Variants in SOX5 observed in about 807,000 individuals in gnomAD.
SOX5 encodes SRY-box transcription factor 5.
A neutral mutation model predicts 92.0 loss-of-function variants in SOX5; 9 were observed. That is an observed-to-expected ratio of 0.10 (90% CI 0.06 to 0.17). The LOEUF (loss-of-function observed/expected upper bound fraction) is 0.17. Among genes scored for constraint, SOX5 ranks in the 10% least tolerant of loss-of-function variants. SOX5 has a pLI of 1.00. For synonymous variants in SOX5, 344 were observed against 336.3 expected, an observed-to-expected ratio of 1.02 and a Z score of -0.25; for missense variants, 642 against 944.5, an observed-to-expected ratio of 0.68 and a Z score of 4.20.
intron 3 of SOX5, among the ~76,000 whole-genome samples, chr12:23,842,808 T>C (rs1395105649): frequency 6.6e-6 from 1 of 152,188 alleles, no homozygotes; most frequent in Non-Finnish European, 1.5e-5. Flanking sequence ...ATCTCCCATG[T>C]AGAAAAATGC....
At chr12:24,021,689 C>T (rs781574927) in intron 4 of SOX5, among the ~76,000 whole-genome samples, 1 of 152,044 alleles carries the variant, frequency 6.6e-6, no homozygotes. Flanking sequence ...ATAATGATGC[C>T]GAATGTAATC....
intron 1 of SOX5, among the ~76,000 whole-genome samples, chr12:24,455,318 C>T (rs940607459): frequency 3.3e-5 from 5 of 152,176 alleles, no homozygotes; most frequent in African/African-American, 1.2e-4. Context: ...TCTTAAAGTT[C>T]CAAAGTGGCT....
chr12:24,152,760 T>C (rs1214228783), intron 4 of SOX5, among the ~76,000 whole-genome samples: 3 of 152,104 alleles, frequency 2.0e-5, no homozygotes, highest in Non-Finnish European at 4.4e-5. Flanking sequence ...GACAGGATAG[T>C]ATTGTTTTAT....
At chr12:24,496,829 A>G (rs1947686962) in intron 1 of SOX5, among the ~76,000 whole-genome samples, 2 of 152,220 alleles carry the variant, frequency 1.3e-5, no homozygotes, top group South Asian at 4.1e-4. Flanking sequence ...ACTTGGTTTA[A>G]GAACACAGCC....
chr12:24,282,263 C>T (rs1267998882), intron 2 of SOX5, among the ~76,000 whole-genome samples: 5 of 151,876 alleles, frequency 3.3e-5, no homozygotes, highest in South Asian at 4.2e-4. Flanking sequence ...TGTTAAATGA[C>T]GAGTTAATGG....
At chr12:23,892,455 T>G (rs1260439194) in intron 2 of SOX5, among the ~76,000 whole-genome samples, 1 of 152,160 alleles carries the variant, frequency 6.6e-6, no homozygotes, top group Non-Finnish European at 1.5e-5. Flanking sequence ...CTATAGAGAT[T>G]TTTCTTTTGC....
chr12:24,240,797 G>A (rs1029644410), intron 3 of SOX5, among the ~76,000 whole-genome samples: 3 of 152,072 alleles, frequency 2.0e-5, no homozygotes, highest in African/African-American at 4.8e-5. Context: ...CAATATCTAC[G>A]GTGAACCTAT....
chr12:24,157,977 G>A (rs898439394), intron 4 of SOX5, among the ~76,000 whole-genome samples: 1 of 151,950 alleles, frequency 6.6e-6, no homozygotes, highest in South Asian at 2.1e-4. Flanking sequence ...CTATTTCAGA[G>A]TACCTCATTT....
At chr12:23,865,061 AT>A (rs2096796395) in intron 2 of SOX5, among the ~76,000 whole-genome samples, 1 of 152,190 alleles carries the variant, frequency 6.6e-6, no homozygotes, top group Admixed American at 6.5e-5. Context: ...TTTATTTACC[AT>A]TCTGAAAATG....
intron 2 of SOX5, among the ~76,000 whole-genome samples, chr12:23,874,646 A>G (rs1232129141): frequency 6.6e-6 from 1 of 152,212 alleles, no homozygotes; most frequent in Non-Finnish European, 1.5e-5. Context: ...GAGAGTGAAT[A>G]GATGATCCCA....
intron 4 of SOX5, among the ~76,000 whole-genome samples, chr12:24,152,480 A>G (rs972156427): frequency 2.6e-5 from 4 of 152,112 alleles, no homozygotes; most frequent in African/African-American, 9.7e-5. Flanking sequence ...TGCTTATCTT[A>G]TCTGTGCCCT....
chr12:23,667,885 T>G (rs1330458141), intron 6 of SOX5, among the ~76,000 whole-genome samples: 1 of 152,234 alleles, frequency 6.6e-6, no homozygotes, highest in Non-Finnish European at 1.5e-5. Context: ...TGTGAGCGAC[T>G]AAAAACACAT....
rs74067971 is a variant in SOX5 at position 23,856,726 on chromosome 12, C to T, written c.271-10533G>A. On this transcript the variant is annotated intron_variant, in intron 2 of 14. Coordinates refer to ENST00000451604, the MANE Select transcript of SOX5 (RefSeq NM_006940.6). ...ATTAAATTTGAGAGGCACTGAAATG[C>T]ACCTGAAATAATTAGTAATCATAAC... Among the ~76,000 whole-genome samples the T allele has an allele frequency of 9.0e-3, 1,371 of 152,154 alleles. 25 individuals carry two copies. Among genetic ancestry groups the T allele is most frequent in the African/African-American group, 0.032 (1,311 of 41,510 alleles).
At chr12:23,882,041 GAT>G (rs1317694481) in intron 2 of SOX5, among the ~76,000 whole-genome samples, 1 of 152,156 alleles carries the variant, frequency 6.6e-6, no homozygotes, top group African/African-American at 2.4e-5. Flanking sequence ...AAACGGCAGA[GAT>G]ATATGTTTAA....
intron 7 of SOX5, among the ~76,000 whole-genome samples, chr12:23,662,336 A>G (rs2083180057): frequency 6.6e-6 from 1 of 152,136 alleles, no homozygotes; most frequent in Non-Finnish European, 1.5e-5. Flanking sequence ...CCGAATGCCA[A>G]ACAGAATCTG....
chr12:23,729,100 T>C (rs1365915509), intron 6 of SOX5, among the ~76,000 whole-genome samples: 1 of 151,906 alleles, frequency 6.6e-6, no homozygotes, highest in African/African-American at 2.4e-5. Flanking sequence ...TCATTGGAAA[T>C]ACAGAAAGCA....
intron 2 of SOX5, among the ~76,000 whole-genome samples, chr12:24,288,843 A>T (rs1946244089): frequency 1.3e-5 from 2 of 151,998 alleles, no homozygotes; most frequent in East Asian, 1.9e-4. Flanking sequence ...TTCTCTTTTT[A>T]CTTGCGAAGT....
At chr12:23,936,519 A>T (rs1457301468) in intron 1 of SOX5, among the ~76,000 whole-genome samples, 1 of 150,788 alleles carries the variant, frequency 6.6e-6, no homozygotes, top group African/African-American at 2.4e-5. Context: ...GTGGTAGAAG[A>T]AGGCTAAGAA....
At position 23,818,239 on chromosome 12, in the gene SOX5, G is replaced by A. The variant is rs2096036072; in HGVS notation, c.481+27744C>T. Among the ~76,000 whole-genome samples, 3 of 152,118 alleles carry A rather than the reference G, an allele frequency of 2.0e-5. 1 individual carries two copies. Among genetic ancestry groups the A allele is most frequent in the African/African-American group, 7.2e-5 (3 of 41,406 alleles). ...GAGGATCCTTTCACAGACCCAGCTGGTATGTAGCCTACTACACACATAGGC... is the reference window on the plus strand; with the variant it reads ...GAGGATCCTTTCACAGACCCAGCTGATATGTAGCCTACTACACACATAGGC... On this transcript the variant is annotated intron_variant, in intron 3 of 14. Coordinates refer to ENST00000451604, the MANE Select transcript of SOX5 (RefSeq NM_006940.6).
Sources: allele counts gnomAD v4.1 joint callset (sites outside exome capture counted in the v4.1 genomes callset), GRCh38; gene constraint gnomAD v4.1.1; transcripts MANE v1.5; gene names NCBI Gene and HGNC (gene_info 2026-07-23, HGNC 2026-07-21).